Variants in GRID1 observed in about 807,000 individuals in gnomAD.
The protein encoded by GRID1 is glutamate receptor ionotropic, delta-1.
A neutral mutation model predicts 98.0 loss-of-function variants in GRID1; 28 were observed. That is an observed-to-expected ratio of 0.29 (90% CI 0.21 to 0.39). The LOEUF (loss-of-function observed/expected upper bound fraction) is 0.39. Ranked by LOEUF, GRID1 falls within the 10% of genes least tolerant of loss-of-function variation. The pLI is 1.00. For synonymous variants in GRID1, 553 were observed against 538.5 expected, an observed-to-expected ratio of 1.03 and a Z score of -0.37; for missense variants, 1,111 against 1,340.5, an observed-to-expected ratio of 0.83 and a Z score of 2.67.
intron 4 of GRID1, among the ~76,000 whole-genome samples, chr10:86,072,084 G>A (rs1384151971): frequency 2.0e-5 from 3 of 152,188 alleles, no homozygotes; most frequent in Non-Finnish European, 4.4e-5. Flanking sequence ...AGGTAGCCTA[G>A]TCTCTAAGGG....
chr10:86,151,715 T>C (rs1845171963), intron 3 of GRID1, among the ~76,000 whole-genome samples: 1 of 152,078 alleles, frequency 6.6e-6, no homozygotes, highest in African/African-American at 2.4e-5. Flanking sequence ...CTGGGACGGG[T>C]TCCCCCTCTG....
intron 12 of GRID1, among the ~76,000 whole-genome samples, chr10:85,683,761 C>T (rs185856353): frequency 6.6e-6 from 1 of 152,260 alleles, no homozygotes; most frequent in East Asian, 1.9e-4. Context: ...AAACTTTTGG[C>T]CCAGATAGCT....
At chr10:86,039,739 C>G (rs17106202) in intron 4 of GRID1, among the ~76,000 whole-genome samples, 11,582 of 152,222 alleles carry the variant, frequency 0.076, 529 homozygotes, top group African/African-American at 0.13. Context: ...ATGCATTTGT[C>G]GGGAAATAGT....
rs897187180 is a variant in GRID1, at chr10:85,637,576, A to T, written c.2193+9626T>A. 2.0e-5 allele frequency among the ~76,000 whole-genome samples: 3 copies of T among 152,208 alleles called. No individual in the cohort carries two copies. The South Asian group carries it at 6.2e-4, about 32-fold the overall frequency. ...GAAGCTACACATTTAGTAGAAATAA[A>T]CTACTGCTAAAGCTACACATTTAGT... On this transcript the variant is annotated intron_variant, in intron 13 of 15. Coordinates refer to ENST00000327946, the MANE Select transcript of GRID1 (RefSeq NM_017551.3).
At chr10:86,076,539 T>C (rs1026704196) in intron 4 of GRID1, among the ~76,000 whole-genome samples, 1 of 152,176 alleles carries the variant, frequency 6.6e-6, no homozygotes, top group Non-Finnish European at 1.5e-5. Context: ...AATTGGCTCA[T>C]GTGATGGCGG....
At chr10:85,755,725 G>A (rs552384097) in intron 8 of GRID1, among the ~76,000 whole-genome samples, 1 of 152,256 alleles carries the variant, frequency 6.6e-6, no homozygotes, top group African/African-American at 2.4e-5. Context: ...GGGGCCATAA[G>A]CACACGTGTT....
Position 85,599,802 on chromosome 10 carries a change from A to AAAAATAT in GRID1, c.*2470_*2471insATATTTT. ...GTAGAAAATTCTAAAAAAAAAAAAA[A>AAAAATAT]ATATATATATATATATATAAACATG... is the stretch of plus-strand genomic sequence containing the variant. On this transcript the variant is annotated 3_prime_UTR_variant, in exon 16 of 16. Coordinates refer to ENST00000327946, the MANE Select transcript of GRID1 (RefSeq NM_017551.3). 58 of 64,970 alleles carry AAAAATAT rather than the reference A, an allele frequency of 8.9e-4. 1 individual carries two copies. The South Asian group carries it at 0.024, about 27-fold the overall frequency. 4.0% of individuals were successfully genotyped at this position (64,970 alleles called of 1,614,324 possible). A position where few individuals can be genotyped will look rare whatever the true frequency, so the allele number is the denominator to read the frequency against.
At chr10:85,707,677 G>A (rs887954141) in intron 12 of GRID1, among the ~76,000 whole-genome samples, 4 of 152,030 alleles carry the variant, frequency 2.6e-5, no homozygotes, top group African/African-American at 4.8e-5. Flanking sequence ...ATTTTATTGC[G>A]GCACTATTCA....
chr10:86,282,166 T>G (rs1002721954), intron 2 of GRID1, among the ~76,000 whole-genome samples: 1 of 152,120 alleles, frequency 6.6e-6, no homozygotes, highest in East Asian at 1.9e-4. Context: ...AATGGGAAAG[T>G]GAATTCATGA....
intron 3 of GRID1, among the ~76,000 whole-genome samples, chr10:86,168,062 G>A (rs1845426789): frequency 6.6e-6 from 1 of 152,170 alleles, no homozygotes; most frequent in Admixed American, 6.5e-5. Flanking sequence ...AGGCAGACAT[G>A]GCATCAGTGG....
intron 2 of GRID1, among the ~76,000 whole-genome samples, chr10:86,289,852 A>T (rs1000941213): frequency 1.3e-5 from 2 of 152,204 alleles, no homozygotes; most frequent in Admixed American, 6.5e-5. Flanking sequence ...CTTTCCAAAC[A>T]GGGACTCTTA....
chr10:86,232,578 A>G (rs1388089388), intron 2 of GRID1, among the ~76,000 whole-genome samples: 1 of 152,232 alleles, frequency 6.6e-6, no homozygotes, highest in African/African-American at 2.4e-5. Flanking sequence ...AGTGACTGGA[A>G]TAAGAGGAGG....
At chr10:86,298,948 C>T (rs1847637112) in intron 2 of GRID1, among the ~76,000 whole-genome samples, 1 of 151,970 alleles carries the variant, frequency 6.6e-6, no homozygotes, top group Admixed American at 6.5e-5. Context: ...TGGACAGCAT[C>T]CCGTCTTCCA....
At chr10:86,040,270 T>C (rs1019001845) in intron 4 of GRID1, among the ~76,000 whole-genome samples, 2 of 152,166 alleles carry the variant, frequency 1.3e-5, no homozygotes, top group African/African-American at 2.4e-5. Context: ...ATAAAATCAG[T>C]ATGTTGAAGA....
chr10:86,080,342 A>AAG (rs796325543), intron 4 of GRID1, among the ~76,000 whole-genome samples: 35 of 146,678 alleles, frequency 2.4e-4, no homozygotes, highest in African/African-American at 8.4e-4. Flanking sequence ...GAAAAAATAA[A>AAG]AGAGAGAGAG....
chr10:86,176,568 G>A (rs922917653), intron 3 of GRID1, among the ~76,000 whole-genome samples: 3 of 152,204 alleles, frequency 2.0e-5, no homozygotes, highest in East Asian at 1.9e-4. Context: ...GGAGATGATC[G>A]TGCAAAAGAA....
chr10:85,804,053 G>A (rs1842600407), intron 8 of GRID1, among the ~76,000 whole-genome samples: 4 of 149,124 alleles, frequency 2.7e-5, no homozygotes, highest in Admixed American at 2.7e-4. Context: ...GGATATCAAT[G>A]AAATTGAAAA....
At chr10:85,950,701 A>G (rs537947751) in intron 4 of GRID1, among the ~76,000 whole-genome samples, 1 of 152,252 alleles carries the variant, frequency 6.6e-6, no homozygotes, top group African/African-American at 2.4e-5. Flanking sequence ...GCCCCGTACA[A>G]ACTTCCTGCC....
At chr10:86,275,427 A>C (rs1013607714) in intron 2 of GRID1, among the ~76,000 whole-genome samples, 4 of 152,108 alleles carry the variant, frequency 2.6e-5, no homozygotes, top group African/African-American at 9.7e-5. Flanking sequence ...AACCATGCCT[A>C]AGGAAGCCCA....
Sources: allele counts gnomAD v4.1 joint callset (sites outside exome capture counted in the v4.1 genomes callset), GRCh38; gene constraint gnomAD v4.1.1; transcripts MANE v1.5; gene names NCBI Gene and HGNC (gene_info 2026-07-23, HGNC 2026-07-21).